SPRR5: variants seen among roughly 807,000 people sequenced by gnomAD.
SPRR5 encodes the protein small proline-rich protein 5.
At chr1:152,948,890 C>A in exon 2 of SPRR5, 1 of 223,622 alleles carries the variant, frequency 4.5e-6, no homozygotes, top group Non-Finnish European at 8.7e-6. Context: ...AAGCCCTGGG[C>A]ATGTGATCAG....
chr1:152,948,104 T>C (rs986472289), intron 1 of SPRR5, among the ~76,000 whole-genome samples: 1 of 152,230 alleles, frequency 6.6e-6, no homozygotes, highest in Non-Finnish European at 1.5e-5. Flanking sequence ...CAAAATCATA[T>C]AGTTAATAAA....
At chr1:152,948,737 C>G in exon 2 of SPRR5, 1 of 179,140 alleles carries the variant, frequency 5.6e-6, no homozygotes, top group Non-Finnish European at 1.1e-5. Flanking sequence ...GTCCCCCACC[C>G]CAGCAGTGCT....
At chr1:152,947,901 T>TC (rs1434434919) in intron 1 of SPRR5, among the ~76,000 whole-genome samples, 20 of 152,250 alleles carry the variant, frequency 1.3e-4, no homozygotes, top group African/African-American at 4.6e-4. Flanking sequence ...AAGATGCGCC[T>TC]TTTAAATTGT....
At chr1:152,947,919 T>A (rs903761186) in intron 1 of SPRR5, among the ~76,000 whole-genome samples, 6 of 152,244 alleles carry the variant, frequency 3.9e-5, no homozygotes, top group Non-Finnish European at 8.8e-5. Flanking sequence ...TGTTTATGAA[T>A]TTACTTAACA....
rs142260748 is a variant in SPRR5 at position 152,948,232 on chromosome 1, T to TTCTTC, written c.-18-301_-18-300insCTCTT. ...CTCTTTTTTTTCCTCTCTCTCCCTT[T>TTCTTC]TCTTTTTTTATGTTTTTCTTTCTTT... On this transcript the variant is annotated intron_variant, in intron 1 of 1. Transcript: ENST00000636302. Among the ~76,000 whole-genome samples, 163 of 152,240 alleles carry TTCTTC rather than the reference T, an allele frequency of 1.1e-3. 1 individual carries two copies. The East Asian group carries it at 0.031, about 29-fold the overall frequency.
exon 2 of SPRR5, chr1:152,948,775 C>T (rs570981035): frequency 1.6e-5 from 3 of 191,136 alleles, no homozygotes; most frequent in South Asian, 2.2e-4. Flanking sequence ...TACTGCCCCC[C>T]ACCCCAACAG....
rs1415229951 is a variant in SPRR5, at chr1:152,948,619, G to A, written c.65G>A (p.Arg22His). ...CAGTGCTGCCCCCCACCCCAGCAGCGCTGCCCCCCACCCCAGCAGTGCTGC... is the reference window on the plus strand; with the variant it reads ...CAGTGCTGCCCCCCACCCCAGCAGCACTGCCCCCCACCCCAGCAGTGCTGC... The change falls in exon 2 of 2, where the codon CGC (arginine) becomes CAC (histidine). Residue 22 changes from arginine to histidine, a missense_variant. Physicochemically the swap from Arg to His is conservative, Grantham distance 29. Coordinates refer to ENST00000636302, the Ensembl canonical transcript of SPRR5. 231 of 48,282 alleles carry A rather than the reference G, an allele frequency of 4.8e-3. 5 individuals are homozygous for A. The East Asian group carries it at 0.061, about 13-fold the overall frequency. 3.0% of individuals were successfully genotyped at this position (48,282 alleles called of 1,614,324 possible).
chr1:152,949,185 C>G (rs1297597914), exon 2 of SPRR5: 2 of 152,254 alleles, frequency 1.3e-5, no homozygotes, highest in East Asian at 3.9e-4. Flanking sequence ...GCGGCATGCA[C>G]AGGCATCTTC....
intron 1 of SPRR5, among the ~76,000 whole-genome samples, chr1:152,947,936 A>C (rs1651098547): frequency 6.6e-6 from 1 of 152,200 alleles, no homozygotes; most frequent in African/African-American, 2.4e-5. Context: ...AACAAATTAC[A>C]ACTCTTATAT....
intron 1 of SPRR5, among the ~76,000 whole-genome samples, chr1:152,947,546 A>G (rs1462110906): frequency 2.0e-5 from 3 of 152,066 alleles, no homozygotes; most frequent in East Asian, 3.9e-4. Context: ...CTAAGAGGGA[A>G]TTAGTAGGAG....
chr1:152,948,226 TCC>T (rs1557874537), intron 1 of SPRR5, among the ~76,000 whole-genome samples: 1 of 151,912 alleles, frequency 6.6e-6, no homozygotes, highest in Non-Finnish European at 1.5e-5. Flanking sequence ...TTCCTCTCTC[TCC>T]CTTTTCTTTT....
chr1:152,948,390 A>G lies in SPRR5; in HGVS notation c.-18-147A>G, dbSNP rs1032089483. 3.2e-4 allele frequency: 62 copies of G among 191,336 alleles called. No homozygotes were observed. In the East Asian group the frequency reaches 3.7e-3, roughly 11 times the overall value. 11.9% of individuals were successfully genotyped at this position (191,336 alleles called of 1,614,324 possible). ...AAAGTTTACACATGCGCGCGCGCACACACACACACACACTCCTCTTAAATC... is the reference window on the plus strand; with the variant it reads ...AAAGTTTACACATGCGCGCGCGCACGCACACACACACACTCCTCTTAAATC... On this transcript the variant is annotated intron_variant, in intron 1 of 1. Coordinates refer to ENST00000636302, the Ensembl canonical transcript of SPRR5.
rs1651083624 is a variant in SPRR5 at position 152,947,257 on chromosome 1, G to A, written c.-19+9G>A. The A allele has an allele frequency of 6.6e-6, 1 of 152,310 alleles. No individual in the cohort carries two copies. The highest frequency in any genetic ancestry group is 1.5e-5 in the Non-Finnish European group (1 of 68,172). The allele number at this position is 152,310 out of a possible 1,614,324, so 9.4% of individuals were successfully genotyped here. A position where few individuals can be genotyped will look rare whatever the true frequency, so the allele number is the denominator to read the frequency against. On this transcript the variant is annotated intron_variant, in intron 1 of 1. Transcript: ENST00000636302. ...GTCGCTGGTGAACCTTGGTAAGTCT[G>A]GAAAGGTAGTACCTCTTATAGCAGC...
chr1:152,948,560 T>G (rs916514991), exon 2 of SPRR5: 1 of 331,214 alleles, frequency 3.0e-6, no homozygotes, highest in African/African-American at 2.2e-5. Flanking sequence ...CCAGAATGTC[T>G]CAGCAGAAGC....
exon 2 of SPRR5, chr1:152,948,923 G>C (rs773234993): frequency 4.3e-5 from 9 of 208,060 alleles, no homozygotes; most frequent in Non-Finnish European, 8.7e-5. Flanking sequence ...AGGAAAAACA[G>C]AGCATGAAGT....
At chr1:152,947,467 G>T (rs916182212) in intron 1 of SPRR5, among the ~76,000 whole-genome samples, 3 of 152,146 alleles carry the variant, frequency 2.0e-5, no homozygotes, top group African/African-American at 7.2e-5. Flanking sequence ...AAGGAGGGGG[G>T]TATCTACAAG....
intron 1 of SPRR5, 137 bp downstream of exon 1, chr1:152,947,385 T>C (rs1476197892): frequency 1.3e-5 from 2 of 152,436 alleles, no homozygotes; most frequent in African/African-American, 4.8e-5. Context: ...TCCATATCAT[T>C]TGTGACAAAC....
At chr1:152,947,462 G>A (rs1651087899) in intron 1 of SPRR5, among the ~76,000 whole-genome samples, 1 of 152,148 alleles carries the variant, frequency 6.6e-6, no homozygotes, top group Non-Finnish European at 1.5e-5. Flanking sequence ...GGGAGAAGGA[G>A]GGGGGTATCT....
intron 1 of SPRR5, among the ~76,000 whole-genome samples, chr1:152,948,334 T>C (rs936620352): frequency 3.3e-5 from 5 of 151,930 alleles, no homozygotes; most frequent in Non-Finnish European, 5.9e-5. Context: ...TTCTTTGTCT[T>C]GAAAAGAGTT....
Sources: allele counts gnomAD v4.1 joint callset (sites outside exome capture counted in the v4.1 genomes callset), GRCh38; gene constraint gnomAD v4.1.1; transcripts MANE v1.5; gene names NCBI Gene and HGNC (gene_info 2026-07-23, HGNC 2026-07-21).